CDH12: variants seen among roughly 807,000 people sequenced by gnomAD.
CDH12 encodes the protein cadherin 12.
Under a neutral mutation model 74.1 loss-of-function variants are expected in CDH12, and 41 were observed. That is an observed-to-expected ratio of 0.55 (90% CI 0.43 to 0.72). The LOEUF is 0.72. Among genes scored for constraint, CDH12 ranks in the 30% least tolerant of loss-of-function variants. The pLI is 0.00. For synonymous variants in CDH12, 399 were observed against 355.0 expected (o/e 1.12, Z -1.39); for missense variants, 945 against 977.2 (o/e 0.97, Z 0.44).
At chr5:22,424,423 C>A (rs1261809291) in intron 2 of CDH12, among the ~76,000 whole-genome samples, 1 of 152,124 alleles carries the variant, frequency 6.6e-6, no homozygotes, top group African/African-American at 2.4e-5. Context: ...GCCCAGTTAC[C>A]CCTGCTGATC....
chr5:22,065,450 T>A (rs1741487952), intron 5 of CDH12, among the ~76,000 whole-genome samples: 1 of 152,172 alleles, frequency 6.6e-6, no homozygotes, highest in Non-Finnish European at 1.5e-5. Context: ...ATAACTTGTG[T>A]TTTGTTTGTT....
rs900043967 is a variant in CDH12, at chr5:22,247,992, C to T, written c.-332-35349G>A. On this transcript the variant is annotated intron_variant, in intron 3 of 14. Transcript: ENST00000382254. The stretch of plus-strand genomic sequence containing the variant: ...GGATCCTACCTTTTGTAAGGCAGGC[C>T]GTTTTATTATCAAGAATATCTCGGC... Among the ~76,000 whole-genome samples, 12 of 152,182 alleles carry T rather than the reference C, an allele frequency of 7.9e-5. No individual in the cohort carries two copies. In the South Asian group the frequency reaches 1.5e-3, roughly 18 times the overall value.
At chr5:21,808,373 A>AT in intron 9 of CDH12, among the ~76,000 whole-genome samples, 1 of 151,694 alleles carries the variant, frequency 6.6e-6, no homozygotes, top group Non-Finnish European at 1.5e-5. Context: ...TAGTAAGCCT[A>AT]TATTATTTTT....
chr5:22,244,695 A>C (rs952784583), intron 3 of CDH12, among the ~76,000 whole-genome samples: 4 of 148,740 alleles, frequency 2.7e-5, no homozygotes, highest in African/African-American at 9.9e-5. Context: ...AAGGAAAGAA[A>C]AGAAAAAGAA....
intron 8 of CDH12, among the ~76,000 whole-genome samples, chr5:21,840,433 T>A (rs1749773736): frequency 6.6e-6 from 1 of 150,980 alleles, no homozygotes; most frequent in Non-Finnish European, 1.5e-5. Context: ...ATTTGTAATT[T>A]TTTTTTTTTT....
chr5:21,991,804 A>G (rs1757766768), intron 5 of CDH12, among the ~76,000 whole-genome samples: 1 of 151,718 alleles, frequency 6.6e-6, no homozygotes, highest in African/African-American at 2.4e-5. Flanking sequence ...ACAAATGCAG[A>G]AAAAATAAAT....
At position 21,864,871 on chromosome 5, in the gene CDH12, T is replaced by C. The variant is rs116734352; in HGVS notation, c.527-10081A>G. Among the ~76,000 whole-genome samples the C allele has an allele frequency of 5.7e-3, 874 of 152,234 alleles. 2 individuals are homozygous for C. Among genetic ancestry groups the C allele is most frequent in the Non-Finnish European group, 9.8e-3 (666 of 68,010 alleles). On this transcript the variant is annotated intron_variant, in intron 6 of 14. Coordinates refer to ENST00000382254, the MANE Select transcript of CDH12 (RefSeq NM_004061.5). ...GTTGTAATTGGAATGTTCATAGAAA[T>C]ATGAGCAGTAAGGGTTGTTCTTATG...
At chr5:22,575,253 T>C (rs1009362900) in intron 1 of CDH12, among the ~76,000 whole-genome samples, 13 of 152,242 alleles carry the variant, frequency 8.5e-5, no homozygotes, top group Admixed American at 3.9e-4. Flanking sequence ...TTTGGTAAAA[T>C]AAATATATCC....
At chr5:22,464,743 T>C (rs1199068623) in intron 2 of CDH12, among the ~76,000 whole-genome samples, 1 of 152,138 alleles carries the variant, frequency 6.6e-6, no homozygotes, top group Non-Finnish European at 1.5e-5. Context: ...GGCTCACGCC[T>C]GTAATCCCAG....
chr5:22,232,358 A>T (rs1267708153), intron 3 of CDH12, among the ~76,000 whole-genome samples: 49 of 151,888 alleles, frequency 3.2e-4, no homozygotes. Context: ...TGAGTTGTAA[A>T]ACCATGTGAG....
chr5:22,102,165 AT>A (rs1028654683), intron 4 of CDH12, among the ~76,000 whole-genome samples: 1 of 152,064 alleles, frequency 6.6e-6, no homozygotes, highest in Admixed American at 6.5e-5. Context: ...TGTTTGTTTA[AT>A]TTTTTCCCCA....
intron 5 of CDH12, among the ~76,000 whole-genome samples, chr5:21,996,527 T>C (rs1412013443): frequency 2.6e-5 from 4 of 152,302 alleles, no homozygotes; most frequent in East Asian, 1.9e-4. Context: ...ATATCTTCCA[T>C]AGAGCAAGTT....
intron 3 of CDH12, among the ~76,000 whole-genome samples, chr5:22,304,401 G>A (rs1255375902): frequency 6.6e-6 from 1 of 152,154 alleles, no homozygotes; most frequent in African/African-American, 2.4e-5. Context: ...AGTAGGAAAT[G>A]CCTTTCTTGC....
chr5:22,150,395 T>G (rs923980065), intron 4 of CDH12, among the ~76,000 whole-genome samples: 3 of 152,116 alleles, frequency 2.0e-5, no homozygotes, highest in Non-Finnish European at 2.9e-5. Context: ...AATATCCTTA[T>G]GGTTTTGCAG....
chr5:22,674,903 G>T (rs187247810), intron 1 of CDH12, among the ~76,000 whole-genome samples: 4 of 152,284 alleles, frequency 2.6e-5, no homozygotes, highest in Admixed American at 1.3e-4. Flanking sequence ...GCATTCAAGA[G>T]GTGACTTGGG....
intron 1 of CDH12, among the ~76,000 whole-genome samples, chr5:22,719,285 T>C (rs1031157331): frequency 2.6e-5 from 4 of 152,180 alleles, no homozygotes; most frequent in African/African-American, 7.2e-5. Context: ...TAATGGTATG[T>C]AAAGCCTTGA....
intron 1 of CDH12, among the ~76,000 whole-genome samples, chr5:22,599,919 T>G (rs1380553063): frequency 1.3e-5 from 2 of 152,174 alleles, no homozygotes; most frequent in Non-Finnish European, 2.9e-5. Flanking sequence ...CTGTGATTAT[T>G]GTGGATTTAT....
intron 3 of CDH12, among the ~76,000 whole-genome samples, chr5:22,316,836 T>C (rs1308484875): frequency 6.6e-6 from 1 of 152,138 alleles, no homozygotes; most frequent in Non-Finnish European, 1.5e-5. Flanking sequence ...ACATGTCAGA[T>C]GAACAGTTCC....
At chr5:22,312,650 T>C (rs1323693530) in intron 3 of CDH12, among the ~76,000 whole-genome samples, 6 of 152,196 alleles carry the variant, frequency 3.9e-5, no homozygotes, top group African/African-American at 1.2e-4. Context: ...AGAAAAAAGT[T>C]GCTATTTGTT....
Sources: allele counts gnomAD v4.1 joint callset (sites outside exome capture counted in the v4.1 genomes callset), GRCh38; gene constraint gnomAD v4.1.1; transcripts MANE v1.5; gene names NCBI Gene and HGNC (gene_info 2026-07-23, HGNC 2026-07-21).